Variants in RXRA observed in about 807,000 individuals in gnomAD.
RXRA encodes retinoid X receptor alpha.
Under a neutral mutation model 44.5 loss-of-function variants are expected in RXRA, and 5 were observed. The ratio of observed to expected loss-of-function variants is 0.11; its 90% CI spans 0.06 to 0.24. RXRA has a LOEUF of 0.24. Ranked by LOEUF, RXRA falls within the 10% of genes least tolerant of loss-of-function variation. The pLI, the probability that RXRA is intolerant of heterozygous loss-of-function variation, is 1.00. For synonymous variants in RXRA, 291 were observed against 271.4 expected (o/e 1.07, Z -0.71); for missense variants, 412 against 646.5 (o/e 0.64, Z 3.93).
At position 134,349,736 on chromosome 9, in the gene RXRA, G is replaced by A. The variant is rs1830198211; in HGVS notation, c.28+23077G>A. On this transcript the variant is annotated intron_variant, in intron 1 of 9. Transcript: ENST00000481739. This position sits in a 1 kb window ranked among gnomAD's most constrained non-coding sequence, Gnocchi z 4.3. The stretch of plus-strand genomic sequence containing the variant: ...TGTCTCCCTGGAGGCGCAGGGCTGT[G>A]CACAGGATTCCCCAGGGCTGGGCCA... Among the ~76,000 whole-genome samples, 1 of 148,118 alleles carries A rather than the reference G, an allele frequency of 6.8e-6. No homozygotes were observed. The highest frequency in any genetic ancestry group is 1.5e-5 in the Non-Finnish European group (1 of 67,318).
intron 1 of RXRA, among the ~76,000 whole-genome samples, chr9:134,340,362 T>TG (rs1554747978): frequency 2.0e-5 from 3 of 152,164 alleles, no homozygotes; most frequent in African/African-American, 7.2e-5. Context: ...GATGGTGGTT[T>TG]GGGGCAGACC....
intron 1 of RXRA, among the ~76,000 whole-genome samples, chr9:134,339,094 G>GTGTGC (rs1554747734): frequency 6.1e-5 from 9 of 146,750 alleles, no homozygotes; most frequent in Non-Finnish European, 1.1e-4. Context: ...TCGGGGCAGG[G>GTGTGC]CTGGTGGTCA....
At chr9:134,347,339 G>A (rs1830165320) in intron 1 of RXRA, among the ~76,000 whole-genome samples, 1 of 152,260 alleles carries the variant, frequency 6.6e-6, no homozygotes, top group Non-Finnish European at 1.5e-5. Context: ...CTGCCGCGGT[G>A]TTGACCAAGA....
chr9:134,417,126 C>G lies in RXRA; in HGVS notation c.611-32C>G, dbSNP rs758793531. On this transcript the variant is annotated intron_variant, in intron 4 of 9. Coordinates refer to ENST00000481739, the MANE Select transcript of RXRA (RefSeq NM_002957.6). This position sits in a 1 kb window ranked among gnomAD's most constrained non-coding sequence, Gnocchi z 6.1. ...CCTGGGAGCCACTGGCCGGGCTGAGCGTGGGGCTCACCTGCGCCTCCCGGG... is the reference window on the plus strand; with the variant it reads ...CCTGGGAGCCACTGGCCGGGCTGAGGGTGGGGCTCACCTGCGCCTCCCGGG... The G allele has an allele frequency of 2.5e-6, 4 of 1,593,864 alleles. No individual in the cohort carries two copies. The highest frequency in any genetic ancestry group is 3.4e-6 in the Non-Finnish European group (4 of 1,172,088).
At chr9:134,368,617 GATGT>G (rs1830445495) in intron 1 of RXRA, among the ~76,000 whole-genome samples, 1 of 151,740 alleles carries the variant, frequency 6.6e-6, no homozygotes, top group Non-Finnish European at 1.5e-5. Context: ...CATGCATGTG[GATGT>G]ATGTGTGTGG....
At chr9:134,358,528 G>A (rs536683811) in intron 1 of RXRA, among the ~76,000 whole-genome samples, 44 of 152,312 alleles carry the variant, frequency 2.9e-4, no homozygotes, top group African/African-American at 1.1e-3. Context: ...TGCAGGGTCT[G>A]GACTTGGCCC....
intron 8 of RXRA, among the ~76,000 whole-genome samples, chr9:134,432,609 C>T (rs552491240): frequency 3.7e-4 from 57 of 152,380 alleles, no homozygotes; most frequent in South Asian, 1.2e-3. Flanking sequence ...AGTGCTGACA[C>T]GTGCCTGTTT....
At position 134,408,230 on chromosome 9, in the gene RXRA, G is replaced by C; in HGVS notation, c.361G>C (p.Ala121Pro). ...CCTCAATGGCGTCCTCAAGGTCCCC[G>C]CCCACCCCTCAGGAAACATGGCTTC... is the stretch of plus-strand genomic sequence containing the variant. ...LGLNGVLKVP[A>P]HPSGNMASFT... Residue 121 changes from alanine to proline, a missense_variant, in exon 3 of 10, where the codon GCC (alanine) becomes CCC (proline). Ala to Pro is a conservative substitution (Grantham distance 27, BLOSUM62 -1). Around this residue, in one of 4 missense-constraint regions of RXRA, gnomAD observed 156 missense variants for 177.2 expected, o/e 0.88. Coordinates refer to ENST00000481739, the MANE Select transcript of RXRA (RefSeq NM_002957.6). The C allele has an allele frequency of 6.2e-7, 1 of 1,611,848 alleles. No individual in the cohort carries two copies. Among genetic ancestry groups the C allele is most frequent in the Non-Finnish European group, 8.5e-7 (1 of 1,179,372 alleles).
Position 134,401,688 on chromosome 9 carries a change from G to A in RXRA, c.85G>A (p.Ala29Thr). ...CTCCCCGACGGGGCGAGGCTCCATG[G>A]CTGCCCCCTCGCTGCACCCGTCCCT... ...LTSPTGRGSM[A>T]APSLHPSLGP... Residue 29 changes from alanine to threonine, a missense_variant, in exon 2 of 10, where the codon GCT becomes ACT. Ala to Thr is a moderately conservative substitution (Grantham distance 58). This residue lies in a region of RXRA where 156 missense variants were observed against 177.2 expected (regional missense o/e 0.88). Coordinates refer to ENST00000481739, the MANE Select transcript of RXRA (RefSeq NM_002957.6). The A allele has an allele frequency of 6.2e-7, 1 of 1,613,086 alleles. No homozygotes were observed. The highest frequency in any genetic ancestry group is 8.5e-7 in the Non-Finnish European group (1 of 1,179,976).
chr9:134,373,158 G>T (rs1250361968), intron 1 of RXRA, among the ~76,000 whole-genome samples: 3 of 152,194 alleles, frequency 2.0e-5, no homozygotes, highest in East Asian at 3.9e-4. Flanking sequence ...AGAGCTGGGG[G>T]TGGTCAGGAG....
chr9:134,359,955 T>A (rs1391258601), intron 1 of RXRA, among the ~76,000 whole-genome samples: 1 of 152,130 alleles, frequency 6.6e-6, no homozygotes, highest in Admixed American at 6.5e-5. Flanking sequence ...TTGCCCCACC[T>A]AGGAACAGGG....
intron 1 of RXRA, among the ~76,000 whole-genome samples, chr9:134,381,439 G>A (rs1353932156): frequency 1.4e-4 from 21 of 152,270 alleles, no homozygotes; most frequent in Non-Finnish European, 2.9e-4. Context: ...TGTCTGAGCG[G>A]GAGAGGGAAG....
chr9:134,414,653 C>G (rs755235609), intron 4 of RXRA, among the ~76,000 whole-genome samples: 3 of 152,248 alleles, frequency 2.0e-5, no homozygotes, highest in Non-Finnish European at 4.4e-5. Flanking sequence ...CTTTGGCTCT[C>G]AGAGCCTCAG....
intron 6 of RXRA, chr9:134,424,177 G>A: frequency 1.0e-6 from 1 of 985,386 alleles, no homozygotes; most frequent in African/African-American, 1.7e-5. Flanking sequence ...GTCCCTCTTA[G>A]GTGGGCACCT....
chr9:134,344,490 C>T (rs1239823621), intron 1 of RXRA, among the ~76,000 whole-genome samples: 4 of 152,194 alleles, frequency 2.6e-5, no homozygotes, highest in Admixed American at 1.3e-4. Flanking sequence ...CCGCCCAAGG[C>T]TTAGATTCCT....
chr9:134,336,881 A>G (rs1554747381), intron 1 of RXRA, among the ~76,000 whole-genome samples: 1 of 152,200 alleles, frequency 6.6e-6, no homozygotes, highest in Admixed American at 6.5e-5. Context: ...AGGCCGGTCC[A>G]GTTTCCAGGG....
chr9:134,400,604 C>T (rs544314275), intron 1 of RXRA, among the ~76,000 whole-genome samples: 1 of 152,352 alleles, frequency 6.6e-6, no homozygotes, highest in Admixed American at 6.5e-5. Flanking sequence ...CGACATTTCC[C>T]AGTGGTCTGC....
At position 134,401,785 on chromosome 9, in the gene RXRA, T is replaced by C. The variant is rs552212769; in HGVS notation, c.182T>C (p.Met61Thr). ...ACCCTGAGCTCCCCCATCAACGGCA[T>C]GGGCCCGCCTTTCTCGGTCATCAGC... ...ISTLSSPING[M>T]GPPFSVISSP... Residue 61 changes from methionine (M) to threonine (T), a missense_variant, in exon 2 of 10, where the codon ATG becomes ACG. Around this residue, in one of 4 missense-constraint regions of RXRA, gnomAD observed 156 missense variants for 177.2 expected, o/e 0.88. Transcript: ENST00000481739. 2 of 1,613,092 alleles carry C rather than the reference T, an allele frequency of 1.2e-6. No homozygotes were observed. The highest frequency in any genetic ancestry group is 1.3e-5 in the African/African-American group (1 of 75,014).
At position 134,342,834 on chromosome 9, in the gene RXRA, G is replaced by A. The variant is rs1175858737; in HGVS notation, c.28+16175G>A. On this transcript the variant is annotated intron_variant, in intron 1 of 9. Transcript: ENST00000481739. The surrounding 1 kb of genome is among the most constrained non-coding windows in gnomAD (Gnocchi z 4.4). The stretch of plus-strand genomic sequence containing the variant: ...CTCTGGCTGGCTCAGCAGGTTGAGC[G>A]CAGGTGGTGGCTGTGGCCCTGCCAC... Among the ~76,000 whole-genome samples the A allele has an allele frequency of 1.3e-5, 2 of 152,178 alleles. No homozygotes were observed. Among genetic ancestry groups the A allele is most frequent in the African/African-American group, 4.8e-5 (2 of 41,444 alleles).
Sources: gnomAD v4.1 joint callset for allele counts (sites outside exome capture counted in the v4.1 genomes callset) on GRCh38, gnomAD v4.1.1 for gene constraint, gnomAD v4.1.1 regional missense constraint, Gnocchi (gnomAD v3.1) non-coding constraint, MANE v1.5 for transcripts, NCBI Gene and HGNC (gene_info 2026-07-23, HGNC 2026-07-21) for gene names.